PKHD1: variants seen among roughly 807,000 people sequenced by gnomAD.
PKHD1 encodes the protein fibrocystin.
PKHD1 carries 291 observed loss-of-function variants against 412.0 expected under a neutral mutation model. The observed-to-expected ratio is 0.71, with a 90% confidence interval of 0.64 to 0.78. The LOEUF is 0.78. Among genes scored for constraint, PKHD1 ranks in the 30% least tolerant of loss-of-function variants. The pLI is 0.00. For missense variants in PKHD1, 4,825 were observed against 4,950.7 expected (o/e 0.97, Z 0.76); for synonymous variants, 1,777 against 1,821.5 (o/e 0.98, Z 0.62).
At chr6:51,950,220 A>AAAAAAAAAAAAATATATATAT in intron 36 of PKHD1, among the ~76,000 whole-genome samples, 3 of 98,304 alleles carry the variant, frequency 3.1e-5, no homozygotes, top group African/African-American at 7.6e-5. Context: ...GAAAAAAAAA[A>AAAAAAAAAAAAATATATATAT]ATATATATAT....
chr6:51,655,778 C>A (rs1050134706), intron 61 of PKHD1, among the ~76,000 whole-genome samples: 1 of 152,040 alleles, frequency 6.6e-6, no homozygotes, highest in African/African-American at 2.4e-5. Context: ...CCCTGAAAAA[C>A]CACAATGAGA....
intron 37 of PKHD1, among the ~76,000 whole-genome samples, chr6:51,916,783 A>T (rs1344108978): frequency 6.6e-6 from 1 of 152,256 alleles, no homozygotes; most frequent in African/African-American, 2.4e-5. Context: ...AAAACTACGC[A>T]TAAAAAGCTC....
At chr6:51,919,544 G>A (rs1053372687) in intron 37 of PKHD1, among the ~76,000 whole-genome samples, 62 of 152,194 alleles carry the variant, frequency 4.1e-4, no homozygotes, top group Non-Finnish European at 3.4e-4. Context: ...TTGTAATATC[G>A]TTTGAAGTCA....
chr6:51,979,273 A>G (rs1794838228), intron 35 of PKHD1, among the ~76,000 whole-genome samples: 1 of 152,178 alleles, frequency 6.6e-6, no homozygotes, highest in South Asian at 2.1e-4. Flanking sequence ...ATCTCTCACC[A>G]GGATCTTCTT....
At chr6:51,811,913 A>G (rs1276963634) in intron 52 of PKHD1, among the ~76,000 whole-genome samples, 1 of 152,232 alleles carries the variant, frequency 6.6e-6, no homozygotes, top group Non-Finnish European at 1.5e-5. Flanking sequence ...TATTTTGAAC[A>G]GAAAAAAATT....
At chr6:51,778,231 G>GT (rs1791386175) in intron 53 of PKHD1, among the ~76,000 whole-genome samples, 1 of 152,032 alleles carries the variant, frequency 6.6e-6, no homozygotes, top group South Asian at 2.1e-4. Flanking sequence ...CTCATCCTTG[G>GT]TTTACCTTTG....
intron 36 of PKHD1, among the ~76,000 whole-genome samples, chr6:51,959,321 CTT>C (rs1301089773): frequency 3.3e-5 from 5 of 152,226 alleles, no homozygotes; most frequent in Admixed American, 1.3e-4. Context: ...AAATAACTGA[CTT>C]AGCCATTTGA....
intron 52 of PKHD1, among the ~76,000 whole-genome samples, chr6:51,802,198 G>A (rs533052992): frequency 6.8e-6 from 1 of 147,084 alleles, no homozygotes; most frequent in Admixed American, 6.6e-5. Flanking sequence ...TTAAACCAAG[G>A]TCTATAGTTG....
At chr6:51,656,138 A>G (rs1771806243) in intron 61 of PKHD1, among the ~76,000 whole-genome samples, 1 of 152,200 alleles carries the variant, frequency 6.6e-6, no homozygotes, top group African/African-American at 2.4e-5. Context: ...TGGCACATAT[A>G]CACCATGGAA....
At chr6:51,962,041 G>A (rs189819883) in intron 35 of PKHD1, among the ~76,000 whole-genome samples, 1 of 152,212 alleles carries the variant, frequency 6.6e-6, no homozygotes, top group Admixed American at 6.5e-5. Flanking sequence ...AGGGCTGGAG[G>A]AGAAGGAGAT....
At chr6:51,757,958 C>T (rs1275196159) in intron 55 of PKHD1, among the ~76,000 whole-genome samples, 1 of 147,176 alleles carries the variant, frequency 6.8e-6, no homozygotes, top group East Asian at 2.0e-4. Flanking sequence ...TTGGAGTGAG[C>T]TATGATCATG....
At chr6:51,890,682 TC>T (rs1158519546) in intron 43 of PKHD1, among the ~76,000 whole-genome samples, 73 of 152,198 alleles carry the variant, frequency 4.8e-4, no homozygotes, top group African/African-American at 1.7e-3. Flanking sequence ...GAATGTAAAA[TC>T]CTTCTCATTC....
At chr6:51,791,473 A>G in intron 52 of PKHD1, 100 bp from the exon 53 acceptor site, 1 of 1,081,832 alleles carries the variant, frequency 9.2e-7, no homozygotes, top group Non-Finnish European at 1.4e-6. Flanking sequence ...GTACAGTGTT[A>G]TCTAAACCAG....
rs201105958 is a variant in PKHD1 at position 52,017,512 on chromosome 6, G to A, written c.5498C>T (p.Ser1833Leu). ...VAMATEQLLE[S>L]WPYLYICEES... The stretch of plus-strand genomic sequence containing the variant: ...CTCGCAAATGTAGAGGTAAGGCCAC[G>A]ATTCAAGCAGTTGCTCTGTCGCCAT... The change falls in exon 34 of 67, where the codon TCG becomes TTG. Residue 1833 changes from serine to leucine, a missense_variant. By Grantham distance (145) the Ser-to-Leu change is moderately radical (BLOSUM62 -2). Transcript: ENST00000371117. 1.6e-4 allele frequency: 251 copies of A among 1,613,922 alleles called. No individual in the cohort carries two copies. The highest frequency in any genetic ancestry group is 1.9e-4 in the Non-Finnish European group (220 of 1,179,780).
In PKHD1 at chr6:52,082,462, C is replaced by G; in HGVS notation, c.211G>C (p.Ala71Pro). ...HLVNVNMVVP[A>P]LRSVPCDVFP... ...ACGTCACAGGGAACACTCCGCAGTG[C>G]GGGCACCACCATGTTCACGTTCACC... Residue 71 changes from alanine (A) to proline (P), a missense_variant, in exon 4 of 67, where the codon GCA (alanine) becomes CCA (proline). Physicochemically the swap from Ala to Pro is conservative, Grantham distance 27. Transcript: ENST00000371117. 1 of 1,613,944 alleles carries G rather than the reference C, an allele frequency of 6.2e-7. No homozygotes were observed. The highest frequency in any genetic ancestry group is 8.5e-7 in the Non-Finnish European group (1 of 1,179,848).
chr6:51,692,634 A>G (rs1444817494), intron 60 of PKHD1, among the ~76,000 whole-genome samples: 2 of 151,804 alleles, frequency 1.3e-5, no homozygotes, highest in African/African-American at 4.8e-5. Flanking sequence ...TTTTTTTCCC[A>G]TTTCTTAGAT....
chr6:51,856,423 A>G (rs1248701004), intron 48 of PKHD1, among the ~76,000 whole-genome samples: 1 of 152,240 alleles, frequency 6.6e-6, no homozygotes, highest in African/African-American at 2.4e-5. Flanking sequence ...TGCAACCTCC[A>G]CCACTAATAA....
intron 18 of PKHD1, 44 bp from the exon 19 acceptor site, chr6:52,055,773 A>T (rs1393788754): frequency 2.6e-5 from 42 of 1,603,652 alleles, no homozygotes; most frequent in Admixed American, 3.4e-5. Flanking sequence ...CATAGATATT[A>T]AAAAAGACAG....
intron 55 of PKHD1, among the ~76,000 whole-genome samples, chr6:51,765,868 G>C (rs762466990): frequency 1.3e-5 from 2 of 152,032 alleles, no homozygotes; most frequent in Non-Finnish European, 2.9e-5. Context: ...ATTGAATGCT[G>C]TTTGCTCTGG....
Sources: allele counts gnomAD v4.1 joint callset (sites outside exome capture counted in the v4.1 genomes callset), GRCh38; gene constraint gnomAD v4.1.1; transcripts MANE v1.5; gene names NCBI Gene and HGNC (gene_info 2026-07-23, HGNC 2026-07-21).